PRMT2: variants seen among roughly 807,000 people sequenced by gnomAD.
PRMT2 encodes protein arginine methyltransferase 2, also known as protein arginine N-methyltransferase 2.
A neutral mutation model predicts 57.6 loss-of-function variants in PRMT2; 26 were observed. The observed-to-expected ratio is 0.45, with a 90% CI of 0.33 to 0.63. The LOEUF is 0.63. Ranked by LOEUF, PRMT2 falls within the 20% of genes least tolerant of loss-of-function variation. The probability of loss-of-function intolerance (pLI) is 0.02; values close to 1 mark genes in which losing one functional copy is unlikely to be tolerated. For synonymous variants in PRMT2, 219 were observed against 220.0 expected, an observed-to-expected ratio of 1.00 and a Z score of 0.04; for missense variants, 472 against 564.4, an observed-to-expected ratio of 0.84 and a Z score of 1.66.
intron 3 of PRMT2, 125 bp from the exon 4 acceptor site, chr21:46,643,410 T>A: frequency 7.6e-7 from 1 of 1,313,256 alleles, no homozygotes; most frequent in Non-Finnish European, 9.7e-7. Context: ...CCAAATAGTT[T>A]GTATAATAAA....
At chr21:46,662,044 G>T (rs1171287932) in intron 10 of PRMT2, 108 bp downstream of exon 10, 1 of 278,400 alleles carries the variant, frequency 3.6e-6, no homozygotes. Flanking sequence ...TGGCGGTCGT[G>T]GGGGGGTGGG....
chr21:46,637,919 A>G (rs143636601), intron 3 of PRMT2, among the ~76,000 whole-genome samples: 64 of 152,222 alleles, frequency 4.2e-4, no homozygotes, highest in African/African-American at 1.4e-3. Flanking sequence ...GTGCCTGTGA[A>G]TAGCCACTGC....
chr21:46,651,176 T>C (rs1302513810), intron 7 of PRMT2, among the ~76,000 whole-genome samples: 1 of 151,362 alleles, frequency 6.6e-6, no homozygotes, highest in Non-Finnish European at 1.5e-5. Context: ...GACCATGGCT[T>C]TATTGTCAGG....
Position 46,652,928 on chromosome 21 carries a change from C to A in PRMT2, c.654+3189C>A, listed in dbSNP as rs948906617. 2.3e-6 allele frequency: 3 copies of A among 1,300,166 alleles called. No homozygotes were observed. The African/African-American group carries it at 4.6e-5, about 20-fold the overall frequency. The allele number at this position is 1,300,166 out of a possible 1,614,324, so 80.5% of individuals were successfully genotyped here. A position where few individuals can be genotyped will look rare whatever the true frequency, so the allele number is the denominator to read the frequency against. ...TGCACACTCAGCAGTCTCCCACTAG[C>A]CAGTGGCACTGCAGGTGCAGGGGCT... On this transcript the variant is annotated intron_variant, in intron 7 of 11. Transcript: ENST00000355680.
At position 46,653,415 on chromosome 21, in the gene PRMT2, G is replaced by A. The variant is rs553266937; in HGVS notation, c.654+3676G>A. The A allele has an allele frequency of 7.6e-5, 75 of 991,772 alleles. No individual in the cohort carries two copies. In the South Asian group the frequency reaches 3.0e-3, roughly 40 times the overall value. The allele number at this position is 991,772 out of a possible 1,614,324, so 61.4% of individuals were successfully genotyped here. On this transcript the variant is annotated intron_variant, in intron 7 of 11. Coordinates refer to ENST00000355680, the MANE Select transcript of PRMT2 (RefSeq NM_206962.4). The stretch of plus-strand genomic sequence containing the variant: ...ATAGAATGTGTGGTGTAGATGATGG[G>A]ACAGCTCCCCCTCAGCAAGACTCTG...
intron 5 of PRMT2, among the ~76,000 whole-genome samples, chr21:46,646,282 A>C (rs578004348): frequency 1.3e-5 from 2 of 152,350 alleles, no homozygotes; most frequent in Admixed American, 1.3e-4. Context: ...AAAGTGTTAA[A>C]AACTATTCAT....
chr21:46,650,161 G>C (rs28575991), intron 7 of PRMT2, among the ~76,000 whole-genome samples: 9,568 of 152,256 alleles, frequency 0.063, 970 homozygotes, highest in African/African-American at 0.22. Flanking sequence ...TGTCCTGTCA[G>C]GGTTGCTCAC....
At chr21:46,651,286 G>A (rs1037703634) in intron 7 of PRMT2, among the ~76,000 whole-genome samples, 1 of 152,180 alleles carries the variant, frequency 6.6e-6, no homozygotes, top group Non-Finnish European at 1.5e-5. Context: ...GCAGGACGGT[G>A]CCTCCCAGCC....
rs2061403388 is a variant in PRMT2 at position 46,648,720 on chromosome 21, G to A, written c.489+101G>A. 4 of 1,433,256 alleles carry A rather than the reference G, an allele frequency of 2.8e-6. No homozygotes were observed. The African/African-American group carries it at 5.6e-5, about 20-fold the overall frequency. The allele number at this position is 1,433,256 out of a possible 1,614,324, so 88.8% of individuals were successfully genotyped here. A position where few individuals can be genotyped will look rare whatever the true frequency, so the allele number is the denominator to read the frequency against. On this transcript the variant is annotated intron_variant, in intron 6 of 11. Coordinates refer to ENST00000355680, the MANE Select transcript of PRMT2 (RefSeq NM_206962.4). This position sits in a 1 kb window ranked among gnomAD's most constrained non-coding sequence, Gnocchi z 4.8. ...GACTTGTGACCCTGAGCTGTTGGGG[G>A]CTCACCGGTGACTCCATGGTCTTGT...
intron 9 of PRMT2, 199 bp downstream of exon 9, chr21:46,661,161 T>C (rs1284813366): frequency 8.0e-6 from 4 of 501,210 alleles, no homozygotes; most frequent in African/African-American, 6.0e-5. Flanking sequence ...TTACGTTCTA[T>C]TTTGATTCTT....
chr21:46,651,786 C>T, intron 7 of PRMT2: 2 of 1,612,648 alleles, frequency 1.2e-6, no homozygotes, highest in Non-Finnish European at 1.7e-6. Context: ...GTTGTACCCA[C>T]CTTCACTTTC....
intron 7 of PRMT2, chr21:46,653,708 C>T: frequency 3.2e-6 from 4 of 1,255,594 alleles, no homozygotes; most frequent in East Asian, 5.6e-5. Flanking sequence ...AGTTCTGGTG[C>T]CCACACGCAC....
chr21:46,637,222 A>T (rs1374578377), intron 3 of PRMT2, among the ~76,000 whole-genome samples: 1 of 152,232 alleles, frequency 6.6e-6, no homozygotes, highest in Non-Finnish European at 1.5e-5. Context: ...GCCCCAAAAC[A>T]TCAGCATCAT....
chr21:46,637,056 G>T, intron 3 of PRMT2, 66 bp downstream of exon 3: 2 of 1,545,672 alleles, frequency 1.3e-6, no homozygotes, highest in Middle Eastern at 3.4e-4. Flanking sequence ...AGAGCTAAGC[G>T]TCAGCTCACA....
intron 8 of PRMT2, chr21:46,659,146 G>C: frequency 7.9e-7 from 1 of 1,261,056 alleles, no homozygotes. Context: ...AAAAATTTTC[G>C]TATGTGAAAA....
chr21:46,645,698 TAGA>T (rs1485993545), intron 5 of PRMT2, among the ~76,000 whole-genome samples: 1 of 151,992 alleles, frequency 6.6e-6, no homozygotes, highest in Non-Finnish European at 1.5e-5. Flanking sequence ...GAGGCCATAT[TAGA>T]AGGTTTTTTG....
At chr21:46,651,879 G>A (rs1438765823) in intron 7 of PRMT2, 1 of 1,613,000 alleles carries the variant, frequency 6.2e-7, no homozygotes, top group African/African-American at 1.3e-5. Context: ...CTCCTGGCCT[G>A]CTGTCTGCCT....
chr21:46,653,733 C>A, intron 7 of PRMT2: 1 of 1,217,382 alleles, frequency 8.2e-7, no homozygotes, highest in South Asian at 1.6e-5. Context: ...ACAAAACCAT[C>A]AACTCTTCTG....
At chr21:46,637,350 A>C (rs1335579057) in intron 3 of PRMT2, among the ~76,000 whole-genome samples, 1 of 152,220 alleles carries the variant, frequency 6.6e-6, no homozygotes, top group Admixed American at 6.5e-5. Context: ...ACATTAGAAA[A>C]GATTTATGTA....
Sources: gnomAD v4.1 joint callset for allele counts (sites outside exome capture counted in the v4.1 genomes callset) on GRCh38, gnomAD v4.1.1 for gene constraint, Gnocchi (gnomAD v3.1) non-coding constraint, MANE v1.5 for transcripts, NCBI Gene and HGNC (gene_info 2026-07-23, HGNC 2026-07-21) for gene names.